The following RGL1 variants were observed in gnomAD, a reference collection of about 807,000 sequenced individuals.
RGL1 encodes the protein ral guanine nucleotide dissociation stimulator like 1, also known as ral guanine nucleotide dissociation stimulator-like 1.
RGL1 carries 24 observed loss-of-function variants against 95.2 expected under a neutral mutation model. The observed-to-expected ratio is 0.25, with a 90% CI of 0.18 to 0.35. The LOEUF is 0.35. Among genes scored for constraint, RGL1 ranks in the 10% least tolerant of loss-of-function variants. The pLI is 1.00. For synonymous variants in RGL1, 329 were observed against 344.9 expected (o/e 0.95, Z 0.51); for missense variants, 715 against 936.3 (o/e 0.76, Z 3.08).
At chr1:183,712,482 T>TGAGA (rs746338559) in intron 1 of RGL1, among the ~76,000 whole-genome samples, 5 of 150,584 alleles carry the variant, frequency 3.3e-5, no homozygotes, top group African/African-American at 9.8e-5. Flanking sequence ...AGAGACAGAG[T>TGAGA]GAGAGAGAGA....
At chr1:183,871,456 G>A (rs1052347670) in intron 4 of RGL1, among the ~76,000 whole-genome samples, 7 of 152,204 alleles carry the variant, frequency 4.6e-5, no homozygotes, top group African/African-American at 1.7e-4. Context: ...TAGGGCAGTT[G>A]CCTTCAGTTT....
chr1:183,647,855 G>A (rs1234986986), intron 1 of RGL1: 2 of 1,614,006 alleles, frequency 1.2e-6, no homozygotes, highest in African/African-American at 1.3e-5. Context: ...GTTTATTTGG[G>A]TTTTGGCCCA....
In RGL1 at chr1:183,880,776, C is replaced by A. The variant is rs1465533126; in HGVS notation, c.586C>A (p.Gln196Lys). The A allele has an allele frequency of 1.2e-6, 2 of 1,613,716 alleles. No individual in the cohort carries two copies. The highest frequency in any genetic ancestry group is 2.7e-5 in the African/African-American group (2 of 74,888). ...RRAQNLLEQF[Q>K]KQEVETDNGL... ...AGCACAAAATCTTCTTGAGCAGTTT[C>A]AGAAGCAAGAAGTGGAAACTGACAG... Residue 196 changes from glutamine (Q) to lysine (K), a missense_variant, in exon 5 of 18, where the codon CAG becomes AAG. Around this residue, in one of 3 missense-constraint regions of RGL1, gnomAD observed 381 missense variants for 484.8 expected, o/e 0.79. Coordinates refer to ENST00000360851, the MANE Select transcript of RGL1 (RefSeq NM_001297671.3).
chr1:183,670,256 C>T (rs1482360092), intron 1 of RGL1, among the ~76,000 whole-genome samples: 1 of 152,182 alleles, frequency 6.6e-6, no homozygotes, highest in Non-Finnish European at 1.5e-5. Flanking sequence ...GCTGGGTTGG[C>T]TATTTCCCTT....
intron 2 of RGL1, among the ~76,000 whole-genome samples, chr1:183,820,081 C>G (rs1016165640): frequency 6.6e-6 from 1 of 152,096 alleles, no homozygotes; most frequent in Non-Finnish European, 1.5e-5. Context: ...GCCACCATGA[C>G]TAGCCCATTT....
chr1:183,809,405 T>G (rs1438322955), intron 2 of RGL1, among the ~76,000 whole-genome samples: 2 of 152,234 alleles, frequency 1.3e-5, no homozygotes, highest in Non-Finnish European at 2.9e-5. Context: ...ACTCTGTGTT[T>G]GGAAAACTAC....
chr1:183,685,661 T>C (rs1653532996), intron 1 of RGL1, among the ~76,000 whole-genome samples: 1 of 152,204 alleles, frequency 6.6e-6, no homozygotes, highest in Non-Finnish European at 1.5e-5. Flanking sequence ...AAATTGGATA[T>C]ATCTATAACA....
intron 16 of RGL1, among the ~76,000 whole-genome samples, chr1:183,921,154 G>A (rs1669289296): frequency 1.3e-5 from 2 of 152,276 alleles, no homozygotes; most frequent in African/African-American, 4.8e-5. Flanking sequence ...ATAGTTGGCT[G>A]GCAGGCAGTG....
Position 183,884,650 on chromosome 1 carries a change from A to G in RGL1, c.736-73A>G, listed in dbSNP as rs1174890139. ...CATTCACAAAAATACCAATTTACAA[A>G]TGACCCAGATGACATGCTTTGCCAT... On this transcript the variant is annotated intron_variant, in intron 6 of 17. Transcript: ENST00000360851. The G allele has an allele frequency of 3.1e-6, 4 of 1,283,104 alleles. No individual in the cohort carries two copies. In the African/African-American group the frequency reaches 5.9e-5, roughly 19 times the overall value. 79.5% of individuals were successfully genotyped at this position (1,283,104 alleles called of 1,614,324 possible). A position where few individuals can be genotyped will look rare whatever the true frequency, so the allele number is the denominator to read the frequency against.
intron 3 of RGL1, among the ~76,000 whole-genome samples, chr1:183,848,657 A>G (rs1558246611): frequency 6.6e-6 from 1 of 152,204 alleles, no homozygotes; most frequent in Non-Finnish European, 1.5e-5. Context: ...AAAATATTAA[A>G]GTTTGTTCAT....
intron 2 of RGL1, among the ~76,000 whole-genome samples, chr1:183,841,985 A>T (rs2491434): frequency 4.5e-4 from 69 of 152,082 alleles, no homozygotes; most frequent in Non-Finnish European, 8.4e-4. Context: ...AACCACTTTC[A>T]GTCCCAAGAA....
At chr1:183,696,806 C>T (rs1654280364) in intron 1 of RGL1, among the ~76,000 whole-genome samples, 1 of 152,206 alleles carries the variant, frequency 6.6e-6, no homozygotes, top group Non-Finnish European at 1.5e-5. Flanking sequence ...CATCTTTCAT[C>T]CAATCCTTTG....
intron 9 of RGL1, among the ~76,000 whole-genome samples, chr1:183,897,490 A>G (rs950516462): frequency 1.3e-5 from 2 of 152,072 alleles, no homozygotes; most frequent in African/African-American, 4.8e-5. Flanking sequence ...CAGAGGTTGC[A>G]GTGAGCTGAG....
chr1:183,767,351 A>C (rs1213322616), intron 2 of RGL1, among the ~76,000 whole-genome samples: 1 of 152,190 alleles, frequency 6.6e-6, no homozygotes, highest in African/African-American at 2.4e-5. Flanking sequence ...AAAACAGATA[A>C]ATAGGAAGCC....
chr1:183,639,572 T>C (rs1649774719), intron 1 of RGL1, among the ~76,000 whole-genome samples: 2 of 152,096 alleles, frequency 1.3e-5, no homozygotes, highest in Admixed American at 1.3e-4. Flanking sequence ...CTTTAAAACA[T>C]GAACCTTCAG....
chr1:183,714,304 C>T (rs1385286906), intron 1 of RGL1, among the ~76,000 whole-genome samples: 1 of 152,188 alleles, frequency 6.6e-6, no homozygotes, highest in Non-Finnish European at 1.5e-5. Flanking sequence ...GTTCAGCTTT[C>T]TGATGACCAT....
chr1:183,809,872 G>A (rs539718140), intron 2 of RGL1, among the ~76,000 whole-genome samples: 5 of 152,170 alleles, frequency 3.3e-5, no homozygotes, highest in East Asian at 1.9e-4. Context: ...TGGGAGGATC[G>A]CGTGAGCCAG....
chr1:183,730,076 C>T (rs954654446), intron 1 of RGL1, among the ~76,000 whole-genome samples: 2 of 152,114 alleles, frequency 1.3e-5, no homozygotes, highest in Admixed American at 1.3e-4. Context: ...TGTCAAAAGT[C>T]ATAGAATATA....
intron 17 of RGL1, among the ~76,000 whole-genome samples, chr1:183,925,285 T>C (rs1347606061): frequency 6.6e-6 from 1 of 151,976 alleles, no homozygotes; most frequent in East Asian, 1.9e-4. Flanking sequence ...AAATTCATAT[T>C]AGCAGACAGA....
Sources: allele counts gnomAD v4.1 joint callset (sites outside exome capture counted in the v4.1 genomes callset), GRCh38; gene constraint gnomAD v4.1.1; regional missense constraint gnomAD v4.1.1; transcripts MANE v1.5; gene names NCBI Gene and HGNC (gene_info 2026-07-23, HGNC 2026-07-21).